Variants in NALCN observed in about 807,000 individuals in gnomAD.
NALCN encodes sodium leak channel NALCN.
In NALCN, 111 loss-of-function variants were observed where a neutral mutation model predicts 225.3. The ratio of observed to expected loss-of-function variants is 0.49; its 90% CI spans 0.42 to 0.58. NALCN has a LOEUF of 0.58. Ranked by LOEUF, NALCN falls within the 20% of genes least tolerant of loss-of-function variation. The pLI is 0.00. For missense variants in NALCN, 1,378 were observed against 2,202.4 expected, an observed-to-expected ratio of 0.63 and a Z score of 7.49; for synonymous variants, 764 against 769.0, an observed-to-expected ratio of 0.99 and a Z score of 0.11.
chr13:101,213,541 C>A (rs1470831973), intron 13 of NALCN, among the ~76,000 whole-genome samples: 1 of 152,156 alleles, frequency 6.6e-6, no homozygotes, highest in African/African-American at 2.4e-5. Flanking sequence ...TTTTTACAAT[C>A]TACCCATCTG....
In NALCN at chr13:101,183,639, T is replaced by C. The variant is rs1346093025; in HGVS notation, c.1765-7265A>G. ...CACACCAGGCTAATTTTTGTGTGTTTAGTAGACACAGGGTTTTACCATGTT... is the reference window on the plus strand; with the variant it reads ...CACACCAGGCTAATTTTTGTGTGTTCAGTAGACACAGGGTTTTACCATGTT... On this transcript the variant is annotated intron_variant, in intron 14 of 43. Transcript: ENST00000251127. 2.6e-5 allele frequency among the ~76,000 whole-genome samples: 4 copies of C among 152,082 alleles called. No homozygotes were observed. In the East Asian group the frequency reaches 7.7e-4, roughly 29 times the overall value.
At chr13:101,079,811 C>T (rs958610149) in intron 34 of NALCN, among the ~76,000 whole-genome samples, 4 of 152,138 alleles carry the variant, frequency 2.6e-5, no homozygotes, top group Non-Finnish European at 5.9e-5. Flanking sequence ...TCATACAGCC[C>T]CTGATGCTGA....
intron 11 of NALCN, among the ~76,000 whole-genome samples, chr13:101,242,029 T>C (rs2140168024): frequency 9.4e-6 from 1 of 106,590 alleles, no homozygotes; most frequent in East Asian, 2.4e-4. Context: ...TTTTCCTTAA[T>C]TTTTTGCACA....
chr13:101,343,124 C>T (rs1249568202), intron 7 of NALCN, among the ~76,000 whole-genome samples: 2 of 151,968 alleles, frequency 1.3e-5, no homozygotes, highest in Admixed American at 6.6e-5. Context: ...ATTTTATTTT[C>T]CTCATTTTGG....
At chr13:101,124,903 G>A (rs1403893468) in intron 17 of NALCN, among the ~76,000 whole-genome samples, 3 of 152,168 alleles carry the variant, frequency 2.0e-5, no homozygotes, top group Admixed American at 6.5e-5. Context: ...TGCATTGGCT[G>A]TGCCTCACTC....
intron 3 of NALCN, among the ~76,000 whole-genome samples, chr13:101,385,386 T>C (rs79400664): frequency 0.11 from 16,764 of 152,120 alleles, 3,034 homozygotes; most frequent in African/African-American, 0.38. Context: ...TCCTTTTCTT[T>C]TTTATGCCTG....
intron 1 of NALCN, among the ~76,000 whole-genome samples, chr13:101,415,581 G>A (rs2047920206): frequency 6.6e-6 from 1 of 152,322 alleles, no homozygotes; most frequent in South Asian, 2.1e-4. Flanking sequence ...GCCCCCAGAG[G>A]GATCCCAGCC....
chr13:101,211,744 C>G (rs998042560), intron 13 of NALCN, among the ~76,000 whole-genome samples: 4 of 151,482 alleles, frequency 2.6e-5, no homozygotes, highest in Non-Finnish European at 5.9e-5. Flanking sequence ...GGATAACAAT[C>G]TGGCCTAAAG....
chr13:101,248,370 T>C (rs1254019769), intron 11 of NALCN, among the ~76,000 whole-genome samples: 1 of 152,214 alleles, frequency 6.6e-6, no homozygotes, highest in Non-Finnish European at 1.5e-5. Context: ...AGCTGGTTCT[T>C]TGAATGAAAA....
At chr13:101,085,753 C>T (rs1280932304) in intron 30 of NALCN, among the ~76,000 whole-genome samples, 3 of 152,102 alleles carry the variant, frequency 2.0e-5, no homozygotes, top group African/African-American at 7.2e-5. Flanking sequence ...AAAATAAATG[C>T]TGACATGCTT....
In NALCN at chr13:101,229,309, C is replaced by T. The variant is rs2041259586; in HGVS notation, c.1626+84G>A. 15 of 1,233,114 alleles carry T rather than the reference C, an allele frequency of 1.2e-5. No individual in the cohort carries two copies. In the South Asian group the frequency reaches 2.5e-4, roughly 20 times the overall value. 76.4% of individuals were successfully genotyped at this position (1,233,114 alleles called of 1,614,324 possible). A position where few individuals can be genotyped will look rare whatever the true frequency, so the allele number is the denominator to read the frequency against. On this transcript the variant is annotated intron_variant, in intron 13 of 43. Coordinates refer to ENST00000251127, the MANE Select transcript of NALCN (RefSeq NM_052867.4). Reference sequence around the variant, plus strand: ...AAAATAGGATAATACTTCTGAATGACTAAAGTGAAATTACTTTGATGTTAA... The same window carrying T: ...AAAATAGGATAATACTTCTGAATGATTAAAGTGAAATTACTTTGATGTTAA...
chr13:101,285,594 G>A (rs1241362290), intron 9 of NALCN, among the ~76,000 whole-genome samples: 2 of 152,034 alleles, frequency 1.3e-5, no homozygotes, highest in Non-Finnish European at 2.9e-5. Flanking sequence ...CAAAATTAAG[G>A]TGCACATTTA....
intron 12 of NALCN, among the ~76,000 whole-genome samples, chr13:101,234,247 T>G (rs936926296): frequency 2.6e-5 from 4 of 152,226 alleles, no homozygotes; most frequent in African/African-American, 9.7e-5. Flanking sequence ...AAAATGGGAA[T>G]CCTCTCTGCT....
intron 18 of NALCN, among the ~76,000 whole-genome samples, chr13:101,119,521 T>C (rs1056172948): frequency 2.0e-5 from 3 of 152,236 alleles, no homozygotes; most frequent in African/African-American, 7.2e-5. Flanking sequence ...CTTTCTAAAC[T>C]AATGTAAAAT....
At chr13:101,384,370 A>T (rs766966147) in intron 3 of NALCN, among the ~76,000 whole-genome samples, 21 of 152,096 alleles carry the variant, frequency 1.4e-4, no homozygotes, top group Non-Finnish European at 2.2e-4. Flanking sequence ...GTCAATTTTT[A>T]TAACGGTAAA....
At chr13:101,117,095 C>G in intron 18 of NALCN, 1 of 394,350 alleles carries the variant, frequency 2.5e-6, no homozygotes, top group Non-Finnish European at 5.1e-6. Flanking sequence ...GGATCTGGCT[C>G]TTTCATAGCA....
At chr13:101,079,219 A>G (rs1328230929) in intron 34 of NALCN, among the ~76,000 whole-genome samples, 2 of 152,236 alleles carry the variant, frequency 1.3e-5, no homozygotes, top group African/African-American at 2.4e-5. Context: ...AAGGAAAAAC[A>G]TGGGCCTTGC....
intron 10 of NALCN, among the ~76,000 whole-genome samples, chr13:101,272,399 C>T (rs985484055): frequency 6.6e-6 from 1 of 152,144 alleles, no homozygotes; most frequent in Non-Finnish European, 1.5e-5. Flanking sequence ...TGCACGTGAA[C>T]GCAGCTGGAT....
intron 12 of NALCN, among the ~76,000 whole-genome samples, chr13:101,229,970 T>C (rs1173041664): frequency 6.6e-6 from 1 of 152,154 alleles, no homozygotes; most frequent in Admixed American, 6.5e-5. Flanking sequence ...TATGAGGCCA[T>C]AAGTGAAAAA....
Sources: allele counts gnomAD v4.1 joint callset (sites outside exome capture counted in the v4.1 genomes callset), GRCh38; gene constraint gnomAD v4.1.1; transcripts MANE v1.5; gene names NCBI Gene and HGNC (gene_info 2026-07-23, HGNC 2026-07-21).